The following GP6 variants were observed in gnomAD, a reference collection of about 807,000 sequenced individuals.
GP6 encodes glycoprotein VI platelet, also known as platelet glycoprotein VI.
In GP6, 45 loss-of-function variants were observed where a neutral mutation model predicts 37.3. That is an observed-to-expected ratio of 1.21 (90% confidence interval 0.95 to 1.55). The LOEUF (loss-of-function observed/expected upper bound fraction) is 1.55, where lower values mean the gene tolerates loss of function less well. Among genes scored for constraint, GP6 ranks in the 40% most tolerant of loss-of-function variants. The probability of loss-of-function intolerance (pLI) is 0.00; values close to 1 mark genes in which losing one functional copy is unlikely to be tolerated. For synonymous variants in GP6, 340 were observed against 316.4 expected, an observed-to-expected ratio of 1.07 and a Z score of -0.79; for missense variants, 813 against 760.2, an observed-to-expected ratio of 1.07 and a Z score of -0.82.
intron 1 of GP6, among the ~76,000 whole-genome samples, chr19:55,033,694 C>G (rs568751976): frequency 6.6e-6 from 1 of 152,220 alleles, no homozygotes; most frequent in East Asian, 1.9e-4. Context: ...ATTGTATAGA[C>G]AAGTATTGTA....
chr19:55,029,570 A>G (rs1484170742), intron 3 of GP6, among the ~76,000 whole-genome samples: 1 of 150,316 alleles, frequency 6.7e-6, no homozygotes, highest in Non-Finnish European at 1.5e-5. Flanking sequence ...TTGTATGTTT[A>G]GTAGAGACAG....
At chr19:55,033,279 G>A (rs1434215180) in intron 1 of GP6, among the ~76,000 whole-genome samples, 3 of 37,142 alleles carry the variant, frequency 8.1e-5, no homozygotes, top group African/African-American at 1.2e-4. Flanking sequence ...GGACTCGTTC[G>A]TGTTAGACAC....
intron 1 of GP6, among the ~76,000 whole-genome samples, chr19:55,036,574 C>T (rs957717684): frequency 4.6e-5 from 7 of 152,072 alleles, no homozygotes; most frequent in African/African-American, 1.7e-4. Flanking sequence ...TGGTGTACAA[C>T]TGTAGTTCCA....
rs747612828 is a variant in GP6 at position 55,014,936 on chromosome 19, G to T, written c.1009C>A (p.Arg337=). The T allele has an allele frequency of 6.2e-7, 1 of 1,613,486 alleles. No homozygotes were observed. The highest frequency in any genetic ancestry group is 8.5e-7 in the Non-Finnish European group (1 of 1,179,976). Residue 337 remains arginine, a synonymous_variant, in exon 8 of 8, where the codon CGG becomes AGG. Transcript: ENST00000310373. ...GGTTCAGCGGTCATGAACATAACCC[G>T]CGGCTGTGAACATCCTGTCGGCCTC...
intron 5 of GP6, among the ~76,000 whole-genome samples, chr19:55,024,575 G>A (rs1280494109): frequency 2.6e-5 from 4 of 152,170 alleles, no homozygotes; most frequent in Non-Finnish European, 5.9e-5. Context: ...AGTGCAGGCC[G>A]TAGTCTGGTA....
intron 5 of GP6, among the ~76,000 whole-genome samples, chr19:55,024,829 A>AT (rs1276919495): frequency 2.6e-5 from 4 of 152,158 alleles, no homozygotes; most frequent in Non-Finnish European, 4.4e-5. Context: ...AGAACCGCTG[A>AT]TCAATGCATT....
At chr19:55,034,478 C>T (rs1352012680) in intron 1 of GP6, among the ~76,000 whole-genome samples, 1 of 151,780 alleles carries the variant, frequency 6.6e-6, no homozygotes, top group East Asian at 1.9e-4. Flanking sequence ...ATCACTTGAA[C>T]CCGGGAGGCG....
chr19:55,036,134 A>G (rs1331410356), intron 1 of GP6, among the ~76,000 whole-genome samples: 1 of 152,016 alleles, frequency 6.6e-6, no homozygotes, highest in African/African-American at 2.4e-5. Context: ...CATTATTCTA[A>G]GTAAAGTAAT....
chr19:55,013,708 T>A lies in GP6; in HGVS notation c.*374A>T, dbSNP rs1011766673. 1.1e-5 allele frequency: 2 copies of A among 187,066 alleles called. No homozygotes were observed. The highest frequency in any genetic ancestry group is 2.3e-5 in the Non-Finnish European group (2 of 88,230). 11.6% of individuals were successfully genotyped at this position (187,066 alleles called of 1,614,324 possible). ...GTGGCCAGCCATTCTTTTCCTTTTT[T>A]AAAACAATTTTTATCTTCTTTATTT... is the stretch of plus-strand genomic sequence containing the variant. On this transcript the variant is annotated 3_prime_UTR_variant, in exon 8 of 8. Coordinates refer to ENST00000310373, the MANE Select transcript of GP6 (RefSeq NM_001083899.2).
At chr19:55,024,334 GCACA>G (rs1343871538) in intron 5 of GP6, among the ~76,000 whole-genome samples, 6 of 47,224 alleles carry the variant, frequency 1.3e-4, no homozygotes, top group East Asian at 6.5e-4. Context: ...ACATATGCAC[GCACA>G]CACGCACATG....
At chr19:55,027,534 C>T in intron 4 of GP6, 44 bp downstream of exon 4, 1 of 1,530,046 alleles carries the variant, frequency 6.5e-7, no homozygotes, top group Non-Finnish European at 9.0e-7. Flanking sequence ...CCATCAGGAC[C>T]TATAAAGGCT....
chr19:55,028,876 G>A (rs566435049), intron 3 of GP6, among the ~76,000 whole-genome samples: 3 of 152,064 alleles, frequency 2.0e-5, no homozygotes, highest in South Asian at 4.2e-4. Context: ...GGCTCACACC[G>A]GTCATCCCAG....
In GP6 at chr19:55,015,683, C is replaced by T; in HGVS notation, c.775G>A (p.Gly259Ser). 1.3e-6 allele frequency: 2 copies of T among 1,562,170 alleles called. No individual in the cohort carries two copies. Among genetic ancestry groups the T allele is most frequent in the African/African-American group, 1.3e-5 (1 of 74,246 alleles). Residue 259 changes from glycine to serine, a missense_variant, in exon 7 of 8, where the codon GGT (glycine) becomes AGT (serine). Coordinates refer to ENST00000310373, the MANE Select transcript of GP6 (RefSeq NM_001083899.2). ...GGTCTGGAGAGGATGACTTACTCAC[C>T]AGCTGGAGAGTCTGACTCCTTTGGA...
intron 3 of GP6, among the ~76,000 whole-genome samples, chr19:55,028,392 C>G (rs546750545): frequency 1.8e-4 from 27 of 152,238 alleles, no homozygotes; most frequent in Middle Eastern, 3.4e-3. Context: ...CTTAATGTCC[C>G]TATTTTATAA....
chr19:55,029,352 A>G (rs1568628820), intron 3 of GP6, among the ~76,000 whole-genome samples: 2 of 2,624 alleles, frequency 7.6e-4, no homozygotes, highest in Non-Finnish European at 1.3e-3. Flanking sequence ...ATATATATAT[A>G]TATATATATA....
At chr19:55,030,586 A>C (rs2074522789) in intron 3 of GP6, among the ~76,000 whole-genome samples, 1 of 150,704 alleles carries the variant, frequency 6.6e-6, no homozygotes. Context: ...TAAGTGATCC[A>C]CCCACCTCAG....
At chr19:55,026,244 G>A (rs865990022) in intron 4 of GP6, among the ~76,000 whole-genome samples, 2 of 152,166 alleles carry the variant, frequency 1.3e-5, no homozygotes, top group Non-Finnish European at 2.9e-5. Flanking sequence ...GATCAGTGGC[G>A]TTGGGTATGT....
At chr19:55,018,830 G>T in intron 5 of GP6, 119 bp from the exon 6 acceptor site, 1 of 759,092 alleles carries the variant, frequency 1.3e-6, no homozygotes, top group South Asian at 1.4e-5. Flanking sequence ...ACACTGCACA[G>T]ACACTGAAGA....
chr19:55,014,911 G>GT lies in GP6; in HGVS notation c.1033_1034insA (p.Pro345HisfsTer119). 6.2e-7 allele frequency: 1 copy of GT among 1,613,654 alleles called. No individual in the cohort carries two copies. Among genetic ancestry groups the GT allele is most frequent in the Non-Finnish European group, 8.5e-7 (1 of 1,179,890 alleles). ...CTCCCTTGGATACGACCGTGCCTGGGGTTCAGCGGTCATGAACATAACCCG... is the reference window on the plus strand; with the variant it reads ...CTCCCTTGGATACGACCGTGCCTGGGTGTTCAGCGGTCATGAACATAACCCG... On this transcript the variant is annotated frameshift_variant, in exon 8 of 8. Coordinates refer to ENST00000310373, the MANE Select transcript of GP6 (RefSeq NM_001083899.2). LOFTEE classifies it low-confidence loss of function (END_TRUNC).
Sources: allele counts gnomAD v4.1 joint callset (sites outside exome capture counted in the v4.1 genomes callset), GRCh38; gene constraint gnomAD v4.1.1; transcripts MANE v1.5; gene names NCBI Gene and HGNC (gene_info 2026-07-23, HGNC 2026-07-21).